SLC20A2: variants seen among roughly 807,000 people sequenced by gnomAD.
SLC20A2 encodes solute carrier family 20 member 2.
SLC20A2 carries 30 observed loss-of-function variants against 61.0 expected under a neutral mutation model. The ratio of observed to expected loss-of-function variants is 0.49; its 90% CI spans 0.37 to 0.67. The LOEUF (loss-of-function observed/expected upper bound fraction) is 0.67. Ranked by LOEUF, SLC20A2 falls within the 30% of genes least tolerant of loss-of-function variation. The pLI, the probability that SLC20A2 is intolerant of heterozygous loss-of-function variation, is 0.00. For missense variants in SLC20A2, 626 were observed against 866.4 expected, an observed-to-expected ratio of 0.72 and a Z score of 3.48; for synonymous variants, 351 against 353.3, an observed-to-expected ratio of 0.99 and a Z score of 0.07.
At chr8:42,518,169 T>C (rs981493143) in intron 1 of SLC20A2, among the ~76,000 whole-genome samples, 13 of 152,048 alleles carry the variant, frequency 8.5e-5, no homozygotes, top group Non-Finnish European at 1.8e-4. Context: ...CTCGATCTCC[T>C]GACCTCATGA....
chr8:42,527,527 T>C (rs1250567709), intron 1 of SLC20A2, among the ~76,000 whole-genome samples: 1 of 152,002 alleles, frequency 6.6e-6, no homozygotes, highest in African/African-American at 2.4e-5. Context: ...CCTGTAACCC[T>C]AGCACTTTGG....
intron 5 of SLC20A2, among the ~76,000 whole-genome samples, chr8:42,452,048 AGGAAGAGATGAAGAG>A (rs1472615141): frequency 0.015 from 1,673 of 109,798 alleles, 251 homozygotes; most frequent in African/African-American, 0.074. Flanking sequence ...AGAGAGGGGG[AGGAAGAGATGAAGAG>A]GAGGGGGAGG....
chr8:42,429,121 A>G (rs1355744798), intron 9 of SLC20A2, among the ~76,000 whole-genome samples: 1 of 152,210 alleles, frequency 6.6e-6, no homozygotes, highest in Non-Finnish European at 1.5e-5. Flanking sequence ...GCTGTGCAAT[A>G]AGATAGTAAA....
intron 1 of SLC20A2, among the ~76,000 whole-genome samples, chr8:42,488,125 T>C (rs1240826172): frequency 6.6e-6 from 1 of 152,024 alleles, no homozygotes; most frequent in Non-Finnish European, 1.5e-5. Flanking sequence ...TGCTTATCCA[T>C]TCATCCATCA....
intron 6 of SLC20A2, among the ~76,000 whole-genome samples, chr8:42,440,577 C>T (rs569019174): frequency 6.6e-6 from 1 of 152,268 alleles, no homozygotes; most frequent in African/African-American, 2.4e-5. Flanking sequence ...GTGCTATAAA[C>T]ATTCATGTGC....
intron 1 of SLC20A2, among the ~76,000 whole-genome samples, chr8:42,496,910 C>T (rs569381816): frequency 1.3e-5 from 2 of 152,326 alleles, no homozygotes; most frequent in African/African-American, 4.8e-5. Flanking sequence ...CCCCACCCCC[C>T]ATATGGGCTA....
At chr8:42,515,171 A>G (rs1183868002) in intron 1 of SLC20A2, among the ~76,000 whole-genome samples, 2 of 152,204 alleles carry the variant, frequency 1.3e-5, no homozygotes, top group African/African-American at 4.8e-5. Flanking sequence ...CCAAGGTCAC[A>G]TGGAGATAAG....
chr8:42,450,284 G>A (rs1049364096), intron 5 of SLC20A2, among the ~76,000 whole-genome samples: 3 of 151,140 alleles, frequency 2.0e-5, no homozygotes, highest in Non-Finnish European at 4.4e-5. Context: ...CTGGAGTAAA[G>A]TGGTGCCATC....
chr8:42,475,003 G>A (rs1249767061), intron 1 of SLC20A2, among the ~76,000 whole-genome samples: 1 of 152,128 alleles, frequency 6.6e-6, no homozygotes, highest in Non-Finnish European at 1.5e-5. Flanking sequence ...CCCGGGTGAG[G>A]GGAACCAGGA....
chr8:42,481,066 C>G (rs1808517324), intron 1 of SLC20A2, among the ~76,000 whole-genome samples: 1 of 152,152 alleles, frequency 6.6e-6, no homozygotes. Context: ...GCCCTCAAGA[C>G]TGAACTGAAT....
upstream of SLC20A2, among the ~76,000 whole-genome samples, chr8:42,505,106 A>G (rs1241923199): frequency 4.6e-5 from 1 of 21,886 alleles, no homozygotes; most frequent in Non-Finnish European, 7.1e-5. Flanking sequence ...ATACCCCCCC[A>G]ACCTTTTTTT....
At chr8:42,528,461 C>CA (rs202206274) in intron 1 of SLC20A2, among the ~76,000 whole-genome samples, 81 of 124,652 alleles carry the variant, frequency 6.5e-4, no homozygotes, top group East Asian at 1.1e-3. Flanking sequence ...GACTCCATCT[C>CA]AAAAAAAAAA....
intron 4 of SLC20A2, 86 bp downstream of exon 4, chr8:42,462,919 C>A: frequency 1.4e-6 from 1 of 702,828 alleles, no homozygotes; most frequent in Admixed American, 3.0e-5. Context: ...TACAATTATT[C>A]CTCTAACCCC....
chr8:42,538,781 T>C lies in SLC20A2; in HGVS notation c.-265+3040A>G, dbSNP rs372381500. ...TAAATGCCTTATGAACAGGAGCCAATGCTGTTATTACACTCACTATGGCTT... is the reference window on the plus strand; with the variant it reads ...TAAATGCCTTATGAACAGGAGCCAACGCTGTTATTACACTCACTATGGCTT... On this transcript the variant is annotated intron_variant, in intron 1 of 10. Coordinates refer to the SLC20A2 transcript ENST00000342228. Among the ~76,000 whole-genome samples, 23 of 152,374 alleles carry C rather than the reference T, an allele frequency of 1.5e-4. 1 individual carries two copies. The highest frequency in any genetic ancestry group is 5.3e-4 in the African/African-American group (22 of 41,590).
chr8:42,455,255 TATAGAGAGAGAGAGAGAGAG>T (rs1397536457), intron 5 of SLC20A2, among the ~76,000 whole-genome samples: 2 of 97,046 alleles, frequency 2.1e-5, no homozygotes, highest in Non-Finnish European at 4.1e-5. Context: ...TATATATATA[TATAGAGAGAGAGAGAGAGAG>T]AGAGAGAGAG....
At chr8:42,502,846 A>G (rs1324374248), upstream of SLC20A2, among the ~76,000 whole-genome samples, 1 of 152,250 alleles carries the variant, frequency 6.6e-6, no homozygotes, top group East Asian at 1.9e-4. Context: ...TTAATGCCAA[A>G]AAGGACCTTG....
rs769681252 is a variant in SLC20A2, at chr8:42,472,627, C to T, written c.-237G>A. 5 of 460,176 alleles carry T rather than the reference C, an allele frequency of 1.1e-5. No homozygotes were observed. Among genetic ancestry groups the T allele is most frequent in the South Asian group, 2.9e-5 (1 of 34,914 alleles). 28.5% of individuals were successfully genotyped at this position (460,176 alleles called of 1,614,324 possible). Reference sequence around the variant, plus strand: ...AAAACACATTCCATATTTTTCCTCCCGATCTGGGAAAGCTGTGATGTCTCC... The same window carrying T: ...AAAACACATTCCATATTTTTCCTCCTGATCTGGGAAAGCTGTGATGTCTCC... On this transcript the variant is annotated 5_prime_UTR_variant, in exon 2 of 11. Transcript: ENST00000520262. This position sits in a 1 kb window ranked among gnomAD's most constrained non-coding sequence, Gnocchi z 4.1.
At chr8:42,443,025 T>C (rs117783783) in intron 6 of SLC20A2, among the ~76,000 whole-genome samples, 14 of 152,042 alleles carry the variant, frequency 9.2e-5, no homozygotes, top group Non-Finnish European at 1.9e-4. Flanking sequence ...GCTGACTTCC[T>C]AAGCCATATT....
Position 42,459,857 on chromosome 8 carries a change from G to C in SLC20A2, c.613+39C>G, listed in dbSNP as rs771701256. ...TAAACTGATACTGTTAGAATACAATGCACTTTGCCCCTGGAGTATGCTTCC... is the reference window on the plus strand; with the variant it reads ...TAAACTGATACTGTTAGAATACAATCCACTTTGCCCCTGGAGTATGCTTCC... On this transcript the variant is annotated intron_variant, in intron 5 of 10. Coordinates refer to ENST00000520262, the MANE Select transcript of SLC20A2 (RefSeq NM_001257180.2). 4.6e-6 allele frequency: 6 copies of C among 1,291,494 alleles called. No homozygotes were observed. In the South Asian group the frequency reaches 6.1e-5, roughly 13 times the overall value. The allele number at this position is 1,291,494 out of a possible 1,614,324, so 80.0% of individuals were successfully genotyped here. A position where few individuals can be genotyped will look rare whatever the true frequency, so the allele number is the denominator to read the frequency against.
Sources: allele counts gnomAD v4.1 joint callset (sites outside exome capture counted in the v4.1 genomes callset), GRCh38; gene constraint gnomAD v4.1.1; non-coding constraint Gnocchi (gnomAD v3.1); transcripts MANE v1.5; gene names NCBI Gene and HGNC (gene_info 2026-07-23, HGNC 2026-07-21).